The following NEGR1 variants were observed in gnomAD, a reference collection of about 807,000 sequenced individuals.
NEGR1 encodes the protein IgLON family member 4.
Under a neutral mutation model 40.9 loss-of-function variants are expected in NEGR1, and 10 were observed. The ratio of observed to expected loss-of-function variants is 0.24; its 90% confidence interval spans 0.15 to 0.42. NEGR1 has a LOEUF of 0.42. Among genes scored for constraint, NEGR1 ranks in the 10% least tolerant of loss-of-function variants. The pLI is 1.00. For synonymous variants in NEGR1, 185 were observed against 166.8 expected, an observed-to-expected ratio of 1.11 and a Z score of -0.84; for missense variants, 352 against 438.9, an observed-to-expected ratio of 0.80 and a Z score of 1.77.
At chr1:71,594,855 A>G (rs1051723890) in intron 5 of NEGR1, among the ~76,000 whole-genome samples, 4 of 152,188 alleles carry the variant, frequency 2.6e-5, no homozygotes, top group African/African-American at 9.7e-5. Flanking sequence ...TGATAGACAC[A>G]TTCTCCAGAG....
chr1:71,796,369 G>T (rs984347416), intron 2 of NEGR1, among the ~76,000 whole-genome samples: 5 of 152,194 alleles, frequency 3.3e-5, no homozygotes, highest in Admixed American at 2.6e-4. Flanking sequence ...ACTAGGTTTT[G>T]TGTGTGTGTA....
intron 1 of NEGR1, among the ~76,000 whole-genome samples, chr1:72,108,938 A>C (rs1649244302): frequency 6.6e-6 from 1 of 151,568 alleles, no homozygotes; most frequent in African/African-American, 2.4e-5. Context: ...ACACAACGCT[A>C]CTTAATAGAT....
rs199747649 is a variant in NEGR1 at position 71,411,816 on chromosome 1, A to G, written c.941-4246T>C. ...GGAGTTCGAGAATAGCTTGGCCAAC[A>G]TGGCGAAACCCCGCCTCTACTAAAA... On this transcript the variant is annotated intron_variant, in intron 6 of 6. Transcript: ENST00000357731. 1.6e-4 allele frequency among the ~76,000 whole-genome samples: 24 copies of G among 152,178 alleles called. 1 individual carries two copies. The East Asian group carries it at 4.1e-3, about 26-fold the overall frequency.
At chr1:71,593,327 T>G (rs1649570510) in intron 5 of NEGR1, among the ~76,000 whole-genome samples, 1 of 152,136 alleles carries the variant, frequency 6.6e-6, no homozygotes, top group Non-Finnish European at 1.5e-5. Context: ...AATATAAAGA[T>G]TCCACGGAAA....
intron 1 of NEGR1, among the ~76,000 whole-genome samples, chr1:71,952,384 G>T (rs1443935885): frequency 6.6e-6 from 1 of 151,918 alleles, no homozygotes; most frequent in Non-Finnish European, 1.5e-5. Context: ...AGCCACAACA[G>T]GCTATTAAAC....
At chr1:71,954,538 A>G (rs1646103144) in intron 1 of NEGR1, among the ~76,000 whole-genome samples, 1 of 151,940 alleles carries the variant, frequency 6.6e-6, no homozygotes, top group East Asian at 1.9e-4. Flanking sequence ...ATATACCTGA[A>G]AAAAAGGAGG....
chr1:71,651,332 T>C (rs914438207), intron 4 of NEGR1, among the ~76,000 whole-genome samples: 3 of 152,164 alleles, frequency 2.0e-5, no homozygotes, highest in Non-Finnish European at 4.4e-5. Context: ...ATGTTACTTG[T>C]ATGATCTTAA....
At chr1:72,217,796 T>C (rs942876895) in intron 1 of NEGR1, among the ~76,000 whole-genome samples, 5 of 151,794 alleles carry the variant, frequency 3.3e-5, no homozygotes, top group African/African-American at 1.2e-4. Context: ...CTTTTATGAT[T>C]TGATAAACTT....
At chr1:71,459,350 T>C (rs1646698223) in intron 6 of NEGR1, among the ~76,000 whole-genome samples, 1 of 152,218 alleles carries the variant, frequency 6.6e-6, no homozygotes. Flanking sequence ...ATGAGAGTGA[T>C]CTCATACTTT....
chr1:71,863,639 G>A (rs976706692), intron 2 of NEGR1, among the ~76,000 whole-genome samples: 2 of 152,128 alleles, frequency 1.3e-5, no homozygotes, highest in African/African-American at 4.8e-5. Context: ...GAATACACAA[G>A]TAATTAGAAG....
rs562772778 is a variant in NEGR1 at position 71,497,436 on chromosome 1, GT to G, written c.941-89867del. Among the ~76,000 whole-genome samples, 734 of 150,856 alleles carry G rather than the reference GT, an allele frequency of 4.9e-3. 3 individuals carry two copies. Among genetic ancestry groups the G allele is most frequent in the African/African-American group, 0.017 (702 of 41,168 alleles). ...CAGAAACATTTACTATAATTCCATA[GT>G]TTTTTTTTCAAATATGCTTTTTTCT... On this transcript the variant is annotated intron_variant, in intron 6 of 6. Coordinates refer to ENST00000357731, the MANE Select transcript of NEGR1 (RefSeq NM_173808.3).
chr1:72,190,469 G>A (rs925877646), intron 1 of NEGR1, among the ~76,000 whole-genome samples: 3 of 151,402 alleles, frequency 2.0e-5, no homozygotes, highest in Non-Finnish European at 1.5e-5. Flanking sequence ...GAGCAAACAT[G>A]GCTTTAGGTA....
intron 6 of NEGR1, among the ~76,000 whole-genome samples, chr1:71,559,945 G>C (rs1259124680): frequency 1.3e-5 from 2 of 151,290 alleles, no homozygotes; most frequent in East Asian, 3.9e-4. Flanking sequence ...CTTTCTCCTA[G>C]TCTCCCTTTG....
chr1:71,955,134 TC>T (rs1414546643), intron 1 of NEGR1, among the ~76,000 whole-genome samples: 3 of 152,128 alleles, frequency 2.0e-5, no homozygotes, highest in Non-Finnish European at 4.4e-5. Context: ...TTCTAAGATA[TC>T]CTTCAAATTA....
At chr1:71,671,891 CTCTT>C (rs1230432747) in intron 4 of NEGR1, among the ~76,000 whole-genome samples, 2 of 92,332 alleles carry the variant, frequency 2.2e-5, no homozygotes, top group African/African-American at 3.3e-5. Context: ...TTCTCTCTCT[CTCTT>C]TTTTTTTTTT....
intron 6 of NEGR1, among the ~76,000 whole-genome samples, chr1:71,420,041 C>T (rs945382046): frequency 1.3e-5 from 2 of 152,062 alleles, no homozygotes; most frequent in Non-Finnish European, 2.9e-5. Context: ...ACCTCTGGCT[C>T]ATTTTTGTAG....
At chr1:71,844,448 G>A (rs1256615826) in intron 2 of NEGR1, among the ~76,000 whole-genome samples, 1 of 152,096 alleles carries the variant, frequency 6.6e-6, no homozygotes, top group African/African-American at 2.4e-5. Flanking sequence ...CATTTGATTT[G>A]CCACAGTAAG....
At chr1:72,004,851 A>C (rs1292320363) in intron 1 of NEGR1, among the ~76,000 whole-genome samples, 29 of 152,168 alleles carry the variant, frequency 1.9e-4, no homozygotes, top group Admixed American at 1.9e-3. Flanking sequence ...CTGAAAACTC[A>C]CAATGTTTGA....
rs144977935 is a variant in NEGR1 at position 71,931,313 on chromosome 1, C to A, written c.409+3766G>T. Among the ~76,000 whole-genome samples, 25 of 152,280 alleles carry A rather than the reference C, an allele frequency of 1.6e-4. No individual in the cohort carries two copies. The East Asian group carries it at 4.4e-3, about 27-fold the overall frequency. The stretch of plus-strand genomic sequence containing the variant: ...CATATGTTTATTTAATACACGCTAT[C>A]TATGAGTGTCTAATTTGTGCTCTAT... On this transcript the variant is annotated intron_variant, in intron 2 of 6. Coordinates refer to ENST00000357731, the MANE Select transcript of NEGR1 (RefSeq NM_173808.3).
Sources: gnomAD v4.1 joint callset for allele counts (sites outside exome capture counted in the v4.1 genomes callset) on GRCh38, gnomAD v4.1.1 for gene constraint, MANE v1.5 for transcripts, NCBI Gene and HGNC (gene_info 2026-07-23, HGNC 2026-07-21) for gene names.